The following OR2L13 variants were observed in gnomAD, a reference collection of about 807,000 sequenced individuals.
The protein encoded by OR2L13 is olfactory receptor 2L13.
In OR2L13, 14 loss-of-function variants were observed where a neutral mutation model predicts 15.3. That is an observed-to-expected ratio of 0.91 (90% CI 0.60 to 1.43). The LOEUF is 1.43. OR2L13 is among the 40% of genes most tolerant of loss of function. The pLI is 0.00. For missense variants in OR2L13, 367 were observed against 387.9 expected (o/e 0.95, Z 0.45); for synonymous variants, 152 against 142.9 (o/e 1.06, Z -0.45).
the OR2L13 span, among the ~76,000 whole-genome samples, chr1:247,972,658 C>G: frequency 3.3e-5 from 5 of 151,164 alleles, no homozygotes; most frequent in Non-Finnish European, 5.9e-5. Flanking sequence ...AAAAAAAACC[C>G]AGGACCAGAC....
At chr1:248,098,580 A>G (rs976913555) in intron 1 of OR2L13, 71 bp from the exon 2 acceptor site, 1 of 152,200 alleles carries the variant, frequency 6.6e-6, no homozygotes, top group Non-Finnish European at 1.5e-5. Flanking sequence ...CCAAGGTTAT[A>G]TGAACTAACA....
chr1:248,024,726 G>T, the OR2L13 span, among the ~76,000 whole-genome samples: 1 of 152,210 alleles, frequency 6.6e-6, no homozygotes, highest in East Asian at 1.9e-4. Flanking sequence ...TAGATATGTG[G>T]TGTTATTTCT....
the OR2L13 span, among the ~76,000 whole-genome samples, chr1:247,992,472 T>C: frequency 2.0e-5 from 3 of 152,172 alleles, no homozygotes; most frequent in Admixed American, 6.5e-5. Context: ...AGTTAGAGTG[T>C]GGATCCTGTC....
chr1:248,074,967 C>G, the OR2L13 span, among the ~76,000 whole-genome samples: 14 of 152,124 alleles, frequency 9.2e-5, no homozygotes, highest in African/African-American at 2.9e-4. Context: ...TGGTTTGCTG[C>G]ACCCATCAAC....
At chr1:247,960,528 GC>G in the OR2L13 span, among the ~76,000 whole-genome samples, 3 of 152,162 alleles carry the variant, frequency 2.0e-5, no homozygotes, top group Non-Finnish European at 4.4e-5. Context: ...GGTATGCCCT[GC>G]CCCCAGAGGT....
At chr1:248,066,256 T>G in the OR2L13 span, among the ~76,000 whole-genome samples, 1 of 152,212 alleles carries the variant, frequency 6.6e-6, no homozygotes, top group Non-Finnish European at 1.5e-5. Flanking sequence ...GAATAAAACT[T>G]ATATGCTTTT....
the OR2L13 span, among the ~76,000 whole-genome samples, chr1:247,986,934 C>T: frequency 1.3e-5 from 2 of 152,140 alleles, no homozygotes; most frequent in Non-Finnish European, 2.9e-5. Flanking sequence ...TCTATAAATA[C>T]AGGATATATT....
At chr1:247,990,303 T>C in the OR2L13 span, 2 of 1,099,104 alleles carry the variant, frequency 1.8e-6, no homozygotes, top group South Asian at 2.5e-5. Context: ...TGCTTTCATC[T>C]TGTTGGGATT....
chr1:248,071,171 C>T, the OR2L13 span, among the ~76,000 whole-genome samples: 381 of 152,020 alleles, frequency 2.5e-3, 4 homozygotes, highest in East Asian at 0.022. Flanking sequence ...GAGACACAAC[C>T]GAAAAAGAGA....
At chr1:247,976,551 G>T in the OR2L13 span, among the ~76,000 whole-genome samples, 1 of 152,186 alleles carries the variant, frequency 6.6e-6, no homozygotes, top group African/African-American at 2.4e-5. Context: ...TAATTTGAGT[G>T]TAGTAATCAT....
At chr1:248,002,993 G>T in the OR2L13 span, 1 of 600,410 alleles carries the variant, frequency 1.7e-6, no homozygotes, top group South Asian at 1.9e-5. Context: ...CTTTTCTTTG[G>T]TTGGTAGGCT....
the OR2L13 span, among the ~76,000 whole-genome samples, chr1:247,993,799 GAGAGAGAGAGAGAA>G: frequency 2.1e-4 from 29 of 135,914 alleles, no homozygotes; most frequent in East Asian, 1.4e-3. Context: ...GAGAGAGAGA[GAGAGAGAGAGAGAA>G]AGAAAGAGAA....
the OR2L13 span, among the ~76,000 whole-genome samples, chr1:248,020,365 G>C: frequency 6.6e-6 from 1 of 152,078 alleles, no homozygotes; most frequent in Admixed American, 6.6e-5. Flanking sequence ...ACTAAAAAAG[G>C]AATTCAGCCA....
the OR2L13 span, among the ~76,000 whole-genome samples, chr1:247,974,576 G>A: frequency 6.6e-6 from 1 of 151,978 alleles, no homozygotes; most frequent in Non-Finnish European, 1.5e-5. Context: ...GTTATCATAA[G>A]TATATATGGA....
At chr1:248,036,568 T>A in the OR2L13 span, among the ~76,000 whole-genome samples, 2 of 152,124 alleles carry the variant, frequency 1.3e-5, no homozygotes, top group African/African-American at 2.4e-5. Context: ...TTGCACACTG[T>A]GTAGATCTTA....
chr1:248,020,783 TATTTC>T, the OR2L13 span, among the ~76,000 whole-genome samples: 3 of 151,984 alleles, frequency 2.0e-5, no homozygotes, highest in Admixed American at 1.3e-4. Context: ...AACTTTCATT[TATTTC>T]ATTTCATTTT....
At chr1:247,983,582 G>GTCC in the OR2L13 span, among the ~76,000 whole-genome samples, 19,096 of 151,950 alleles carry the variant, frequency 0.13, 1,943 homozygotes, top group African/African-American at 0.29. Flanking sequence ...AGAAAAAAAT[G>GTCC]TCCTTAAATT....
At chr1:247,939,455 A>AT in the OR2L13 span, 2 of 152,206 alleles carry the variant, frequency 1.3e-5, no homozygotes, top group Non-Finnish European at 2.9e-5. Context: ...ACATATGTAT[A>AT]TGAGACTTAA....
the OR2L13 span, among the ~76,000 whole-genome samples, chr1:248,028,140 CAAAAAAAAAAAAAAA>C: frequency 4.0e-4 from 15 of 37,784 alleles, no homozygotes; most frequent in East Asian, 8.6e-4. Flanking sequence ...GATTCCGTCT[CAAAAAAAAAAAAAAA>C]AAAAAAAAAA....
Sources: gnomAD v4.1 joint callset for allele counts (sites outside exome capture counted in the v4.1 genomes callset) on GRCh38, gnomAD v4.1.1 for gene constraint, MANE v1.5 for transcripts, NCBI Gene and HGNC (gene_info 2026-07-23, HGNC 2026-07-21) for gene names.